Variants in SLC24A2 observed in about 807,000 individuals in gnomAD.
The protein encoded by SLC24A2 is solute carrier family 24 member 2.
In SLC24A2, 36 loss-of-function variants were observed where a neutral mutation model predicts 62.0. That is an observed-to-expected ratio of 0.58 (90% CI 0.44 to 0.77). The LOEUF (loss-of-function observed/expected upper bound fraction) is 0.77. SLC24A2 is among the 30% of genes least tolerant of loss of function. SLC24A2 has a pLI of 0.00. For missense variants in SLC24A2, 846 were observed against 817.9 expected, an observed-to-expected ratio of 1.03 and a Z score of -0.42; for synonymous variants, 358 against 294.0, an observed-to-expected ratio of 1.22 and a Z score of -2.23.
the SLC24A2 span, among the ~76,000 whole-genome samples, chr9:20,288,035 G>C: frequency 9.5e-5 from 4 of 41,938 alleles, no homozygotes; most frequent in Non-Finnish European, 2.7e-4. Flanking sequence ...GAGGAGTTAG[G>C]AAAAAAACAC....
chr9:19,971,698 G>A, the SLC24A2 span, among the ~76,000 whole-genome samples: 1 of 152,182 alleles, frequency 6.6e-6, no homozygotes, highest in East Asian at 1.9e-4. Flanking sequence ...CACTTCTGCT[G>A]TGTGGGGACT....
At chr9:20,186,397 C>T in the SLC24A2 span, among the ~76,000 whole-genome samples, 1 of 152,180 alleles carries the variant, frequency 6.6e-6, no homozygotes, top group Admixed American at 6.5e-5. Flanking sequence ...TACTGTCTGG[C>T]TTACCTCCCT....
chr9:20,104,466 A>G, the SLC24A2 span, among the ~76,000 whole-genome samples: 913 of 152,348 alleles, frequency 6.0e-3, 9 homozygotes, highest in African/African-American at 0.02. Flanking sequence ...CGGGTTACCC[A>G]CAAAGGGAAG....
chr9:19,912,959 C>G, the SLC24A2 span, among the ~76,000 whole-genome samples: 2 of 152,070 alleles, frequency 1.3e-5, no homozygotes, highest in Admixed American at 1.3e-4. Context: ...TTAAATGAAC[C>G]TGATCTCCAT....
At chr9:19,732,545 A>T (rs911228153) in intron 2 of SLC24A2, among the ~76,000 whole-genome samples, 2 of 152,208 alleles carry the variant, frequency 1.3e-5, no homozygotes, top group Non-Finnish European at 2.9e-5. Flanking sequence ...CTATGCATAA[A>T]TTGTAGAAAG....
At chr9:19,903,452 C>T in the SLC24A2 span, among the ~76,000 whole-genome samples, 7 of 152,156 alleles carry the variant, frequency 4.6e-5, no homozygotes, top group African/African-American at 1.4e-4. Context: ...AATACCACCA[C>T]ATTGGGGATT....
At chr9:19,823,063 T>C in the SLC24A2 span, among the ~76,000 whole-genome samples, 41 of 152,218 alleles carry the variant, frequency 2.7e-4, 2 homozygotes, top group South Asian at 8.5e-3. Flanking sequence ...CCAATTCTAG[T>C]CCCTTCTGGG....
At chr9:20,122,466 C>A in the SLC24A2 span, among the ~76,000 whole-genome samples, 1 of 152,164 alleles carries the variant, frequency 6.6e-6, no homozygotes, top group Non-Finnish European at 1.5e-5. Flanking sequence ...GTGGGCAGAT[C>A]ACTTGAAGTC....
intron 2 of SLC24A2, among the ~76,000 whole-genome samples, chr9:19,732,559 C>T (rs976846390): frequency 1.3e-5 from 2 of 152,142 alleles, no homozygotes; most frequent in African/African-American, 4.8e-5. Flanking sequence ...TAGAAAGATT[C>T]AATCAAGCTA....
the SLC24A2 span, among the ~76,000 whole-genome samples, chr9:20,010,198 G>A: frequency 8.8e-4 from 134 of 152,190 alleles, no homozygotes; most frequent in Non-Finnish European, 1.4e-3. Context: ...CATGCTCAGC[G>A]TTGCCACCAG....
the SLC24A2 span, among the ~76,000 whole-genome samples, chr9:20,180,008 G>A: frequency 1.1e-4 from 17 of 152,128 alleles, no homozygotes; most frequent in African/African-American, 3.1e-4. Flanking sequence ...GTCACCCATT[G>A]TGCTCCAGAT....
intron 2 of SLC24A2, among the ~76,000 whole-genome samples, chr9:19,708,776 C>A (rs200740110): frequency 6.2e-4 from 95 of 152,208 alleles, no homozygotes; most frequent in African/African-American, 2.2e-3. Flanking sequence ...TAAAGACTTA[C>A]ATGTTAGACC....
the SLC24A2 span, among the ~76,000 whole-genome samples, chr9:20,238,740 A>T: frequency 6.6e-6 from 1 of 152,210 alleles, no homozygotes; most frequent in Non-Finnish European, 1.5e-5. Flanking sequence ...AAATGTTTGT[A>T]TTCTTCCAAA....
At chr9:19,788,681 C>G (rs1283989691) in intron 1 of SLC24A2, 4 of 985,112 alleles carry the variant, frequency 4.1e-6, no homozygotes, top group African/African-American at 1.7e-5. Flanking sequence ...AAGCCAAAAG[C>G]AAGGGTAGGA....
At chr9:19,658,286 G>C (rs372470821) in intron 2 of SLC24A2, among the ~76,000 whole-genome samples, 13 of 152,162 alleles carry the variant, frequency 8.5e-5, no homozygotes, top group East Asian at 1.9e-4. Context: ...GATAAGTGGT[G>C]GTGGGGAAGC....
At chr9:19,761,652 G>C (rs1471641707) in intron 2 of SLC24A2, among the ~76,000 whole-genome samples, 1 of 150,918 alleles carries the variant, frequency 6.6e-6, no homozygotes, top group Admixed American at 6.6e-5. Context: ...TCCCACAACA[G>C]TCCCATGTGT....
At chr9:19,680,470 C>T (rs1029002418) in intron 2 of SLC24A2, among the ~76,000 whole-genome samples, 4 of 152,104 alleles carry the variant, frequency 2.6e-5, no homozygotes, top group African/African-American at 9.7e-5. Flanking sequence ...GCCACAGCTC[C>T]TTCTCTACTG....
chr9:20,233,807 G>C, the SLC24A2 span, among the ~76,000 whole-genome samples: 1 of 152,212 alleles, frequency 6.6e-6, no homozygotes, highest in Non-Finnish European at 1.5e-5. Context: ...AGTTGATGCA[G>C]TTTCTTCTTA....
Position 19,680,851 on chromosome 9 carries a change from T to TTGTCTGTGTG in SLC24A2, c.931-58553_931-58552insCACACAGACA, listed in dbSNP as rs961039680. 8.6e-4 allele frequency among the ~76,000 whole-genome samples: 127 copies of TTGTCTGTGTG among 147,074 alleles called. 1 individual carries two copies. The highest frequency in any genetic ancestry group is 3.1e-3 in the African/African-American group (122 of 39,806). ...TTTAAACTCAAAATATATACCAGAG[T>TTGTCTGTGTG]TGTGTGTGTGTGTGTGTGTGTGTGT... On this transcript the variant is annotated intron_variant, in intron 2 of 10. Transcript: ENST00000341998.
Sources: gnomAD v4.1 joint callset for allele counts (sites outside exome capture counted in the v4.1 genomes callset) on GRCh38, gnomAD v4.1.1 for gene constraint, MANE v1.5 for transcripts, NCBI Gene and HGNC (gene_info 2026-07-23, HGNC 2026-07-21) for gene names.